Variants in ANO4 observed in about 807,000 individuals in gnomAD.
ANO4 encodes anoctamin 4.
In ANO4, 69 loss-of-function variants were observed where a neutral mutation model predicts 141.9. That is an observed-to-expected ratio of 0.49 (90% CI 0.40 to 0.59). The LOEUF (loss-of-function observed/expected upper bound fraction) is 0.59. Ranked by LOEUF, ANO4 falls within the 20% of genes least tolerant of loss-of-function variation. The pLI is 0.00. For missense variants in ANO4, 894 were observed against 1,162.2 expected, an observed-to-expected ratio of 0.77 and a Z score of 3.36; for synonymous variants, 350 against 394.3, an observed-to-expected ratio of 0.89 and a Z score of 1.33.
chr12:101,049,702 G>A (rs1334453238), intron 14 of ANO4, among the ~76,000 whole-genome samples: 1 of 152,154 alleles, frequency 6.6e-6, no homozygotes, highest in Admixed American at 6.5e-5. Flanking sequence ...ATAAAACCTT[G>A]TTCACTTGAG....
At position 100,819,960 on chromosome 12, in the gene ANO4, T is replaced by C. The variant is rs59419833; in HGVS notation, c.-141+24933T>C. ...TTCCTTAGTTGTTGGGGCCGTGTCT[T>C]ATTTGTCTTTTGATCCCTGGTATCT... On this transcript the variant is annotated intron_variant, in intron 1 of 27. Transcript: ENST00000392977. Among the ~76,000 whole-genome samples, 549 of 152,060 alleles carry C rather than the reference T, an allele frequency of 3.6e-3. 9 individuals are homozygous for C. The highest frequency in any genetic ancestry group is 0.032 in the East Asian group (164 of 5,128).
chr12:100,941,935 T>G (rs1219193016), intron 4 of ANO4, among the ~76,000 whole-genome samples: 2 of 148,932 alleles, frequency 1.3e-5, no homozygotes, highest in African/African-American at 4.9e-5. Context: ...CTAATGAATA[T>G]GTAATTGAAC....
intron 5 of ANO4, among the ~76,000 whole-genome samples, chr12:100,948,887 T>C (rs2042856149): frequency 6.6e-6 from 1 of 152,224 alleles, no homozygotes; most frequent in African/African-American, 2.4e-5. Context: ...CCTGTGATTA[T>C]CTTATATGGT....
intron 10 of ANO4, among the ~76,000 whole-genome samples, chr12:101,039,503 T>C (rs1207486134): frequency 6.6e-6 from 1 of 152,062 alleles, no homozygotes; most frequent in African/African-American, 2.4e-5. Context: ...AAACCCAGTC[T>C]CAAAAAATAA....
At chr12:100,906,987 G>T in intron 2 of ANO4, among the ~76,000 whole-genome samples, 1 of 152,184 alleles carries the variant, frequency 6.6e-6, no homozygotes, top group East Asian at 1.9e-4. Context: ...GACATTCAGA[G>T]AATTCTGGAG....
intron 3 of ANO4, among the ~76,000 whole-genome samples, chr12:100,782,958 ACT>A (rs2033754587): frequency 6.6e-6 from 1 of 152,194 alleles, no homozygotes; most frequent in Admixed American, 6.5e-5. Context: ...TTAATCCAAA[ACT>A]CAACATAATT....
intron 5 of ANO4, among the ~76,000 whole-genome samples, chr12:100,957,990 G>A (rs1189145259): frequency 1.3e-5 from 2 of 152,176 alleles, no homozygotes; most frequent in Non-Finnish European, 2.9e-5. Flanking sequence ...TTACAGGCAT[G>A]AGCCATGCCC....
rs115018777 is a variant in ANO4, at chr12:100,925,315, A to G, written c.160+2985A>G. Among the ~76,000 whole-genome samples the G allele has an allele frequency of 4.3e-3, 653 of 152,114 alleles. 4 individuals carry two copies. Among genetic ancestry groups the G allele is most frequent in the African/African-American group, 0.014 (593 of 41,522 alleles). ...TGGAAAGCTTTGCGAGACCATCGTT[A>G]AGTGTGTAAAGAATATGGAGTTCTG... On this transcript the variant is annotated intron_variant, in intron 3 of 27. Transcript: ENST00000392977.
chr12:100,794,013 T>C (rs752199712), upstream of ANO4, among the ~76,000 whole-genome samples: 2 of 152,196 alleles, frequency 1.3e-5, no homozygotes, highest in Non-Finnish European at 2.9e-5. Context: ...TTATAGGTGA[T>C]TTAAGAGCTC....
intron 1 of ANO4, among the ~76,000 whole-genome samples, chr12:100,799,768 C>T (rs1019594741): frequency 2.0e-5 from 3 of 152,112 alleles, no homozygotes; most frequent in Admixed American, 6.6e-5. Flanking sequence ...CCTTAAAGAG[C>T]AATTTACCTA....
Position 101,086,811 on chromosome 12 carries a change from T to C in ANO4, c.1688T>C (p.Met563Thr). ...GTGTGCATCAACTTCTGTATCATTA[T>C]GTTGCTGAATGTGGTAAGTGAGCTG... is the stretch of plus-strand genomic sequence containing the variant. ...TAVCINFCII[M>T]LLNVLYEKVA... Residue 563 changes from methionine (M) to threonine (T), a missense_variant, in exon 17 of 28, where the codon ATG (methionine) becomes ACG (threonine). Coordinates refer to ENST00000392977, the MANE Select transcript of ANO4 (RefSeq NM_001286615.2). 6.2e-7 allele frequency: 1 copy of C among 1,613,400 alleles called. No individual in the cohort carries two copies. The highest frequency in any genetic ancestry group is 8.5e-7 in the Non-Finnish European group (1 of 1,179,458).
chr12:100,932,604 A>G (rs1167344414), intron 3 of ANO4, among the ~76,000 whole-genome samples: 1 of 152,202 alleles, frequency 6.6e-6, no homozygotes, highest in Admixed American at 6.6e-5. Flanking sequence ...TTTTCACTGG[A>G]GGAATAATTG....
chr12:100,914,054 A>G (rs899139733), intron 2 of ANO4, among the ~76,000 whole-genome samples: 2 of 152,226 alleles, frequency 1.3e-5, no homozygotes, highest in African/African-American at 4.8e-5. Context: ...AGACCTCAGC[A>G]TCTAGGAGAT....
intron 9 of ANO4, among the ~76,000 whole-genome samples, chr12:101,025,557 C>T (rs903760486): frequency 4.6e-5 from 7 of 152,302 alleles, no homozygotes; most frequent in South Asian, 4.1e-4. Flanking sequence ...CATACATGTC[C>T]GGAGAATACC....
chr12:101,071,045 AG>A (rs1459306991), intron 14 of ANO4, among the ~76,000 whole-genome samples: 1 of 152,184 alleles, frequency 6.6e-6, no homozygotes, highest in African/African-American at 2.4e-5. Context: ...TGTGGAGAAG[AG>A]GGAACATTTC....
rs146641861 is a variant in ANO4 at position 101,060,579 on chromosome 12, T to C, written c.1312+12178T>C. On this transcript the variant is annotated intron_variant, in intron 14 of 27. Coordinates refer to ENST00000392977, the MANE Select transcript of ANO4 (RefSeq NM_001286615.2). Reference sequence around the variant, plus strand: ...TGGGTGCTCCTGTATTGGGTGCATATATATTTAGGACAGTTAGCTCTTCTT... The same window carrying C: ...TGGGTGCTCCTGTATTGGGTGCATACATATTTAGGACAGTTAGCTCTTCTT... Among the ~76,000 whole-genome samples the C allele has an allele frequency of 1.1e-4, 16 of 152,324 alleles. No individual in the cohort carries two copies. In the East Asian group the frequency reaches 2.5e-3, roughly 24 times the overall value.
intron 1 of ANO4, among the ~76,000 whole-genome samples, chr12:100,827,012 C>A (rs2135756795): frequency 6.6e-6 from 1 of 152,190 alleles, no homozygotes; most frequent in Non-Finnish European, 1.5e-5. Context: ...TTATGTCCTT[C>A]TACTTCCCCA....
At chr12:100,847,517 G>C (rs1008387729) in intron 1 of ANO4, among the ~76,000 whole-genome samples, 1 of 140,662 alleles carries the variant, frequency 7.1e-6, no homozygotes, top group African/African-American at 2.6e-5. Context: ...TGTCACTCAG[G>C]CTGGAGCGCA....
chr12:100,974,859 A>G lies in ANO4; in HGVS notation c.572A>G (p.Tyr191Cys), dbSNP rs201084190. 1 of 1,608,902 alleles carries G rather than the reference A, an allele frequency of 6.2e-7. No homozygotes were observed. Residue 191 changes from tyrosine to cysteine, a missense_variant, in exon 7 of 28, where the codon TAC becomes TGC. Tyr to Cys is a radical substitution (Grantham distance 194). Transcript: ENST00000392977. Reference protein sequence around the residue: ...VRMPFRRKIYYLPRRYKFMSR... With the variant: ...VRMPFRRKIYCLPRRYKFMSR... ...TGTTCTTCCAGGAGAAAAATCTATT[A>G]CCTGCCCCGCCGTTACAAGTTCATG...
Sources: gnomAD v4.1 joint callset for allele counts (sites outside exome capture counted in the v4.1 genomes callset) on GRCh38, gnomAD v4.1.1 for gene constraint, MANE v1.5 for transcripts, NCBI Gene and HGNC (gene_info 2026-07-23, HGNC 2026-07-21) for gene names.